The following LONP1 variants were observed in gnomAD, a reference collection of about 807,000 sequenced individuals.
LONP1 encodes the protein lon protease homolog, mitochondrial.
LONP1 carries 31 observed loss-of-function variants against 98.5 expected under a neutral mutation model. The observed-to-expected ratio is 0.31, with a 90% CI of 0.24 to 0.42. LONP1 has a LOEUF of 0.42. Ranked by LOEUF, LONP1 falls within the 20% of genes least tolerant of loss-of-function variation. LONP1 has a pLI of 1.00. For missense variants in LONP1, 1,336 were observed against 1,350.6 expected, an observed-to-expected ratio of 0.99 and a Z score of 0.17; for synonymous variants, 781 against 594.7, an observed-to-expected ratio of 1.31 and a Z score of -4.56.
intron 8 of LONP1, among the ~76,000 whole-genome samples, chr19:5,704,346 A>G (rs2145605383): frequency 6.6e-6 from 1 of 152,136 alleles, no homozygotes; most frequent in Non-Finnish European, 1.5e-5. Flanking sequence ...CAGCCATGGG[A>G]GCTCACAGGC....
intron 5 of LONP1, 194 bp downstream of exon 5, chr19:5,708,148 G>A: frequency 1.6e-6 from 1 of 626,024 alleles, no homozygotes; most frequent in Non-Finnish European, 2.8e-6. Context: ...AAAGAAACTG[G>A]GCCTGCTGAG....
At chr19:5,708,519 C>T (rs1021792295) in intron 4 of LONP1, 116 bp from the exon 5 acceptor site, 19 of 428,816 alleles carry the variant, frequency 4.4e-5, no homozygotes, top group Non-Finnish European at 7.5e-5. Context: ...CCCTCCCCTC[C>T]GCCAACTGGC....
At chr19:5,708,559 G>A in intron 4 of LONP1, 156 bp from the exon 5 acceptor site, 1 of 635,054 alleles carries the variant, frequency 1.6e-6, no homozygotes, top group Non-Finnish European at 2.8e-6. Flanking sequence ...GGAGATGGAG[G>A]AGTGCAGTCC....
In LONP1 at chr19:5,705,802, C is replaced by G. The variant is rs2055135594; in HGVS notation, c.1337G>C (p.Gly446Ala). The G allele has an allele frequency of 1.9e-6, 3 of 1,613,940 alleles. 1 individual carries two copies. In the South Asian group the frequency reaches 3.3e-5, roughly 18 times the overall value. Residue 446 changes from glycine to alanine, a missense_variant, in exon 8 of 18, where the codon GGC becomes GCC. By Grantham distance (60) the Gly-to-Ala change is moderately conservative. Coordinates refer to ENST00000360614, the MANE Select transcript of LONP1 (RefSeq NM_004793.4). ...DVVDEELSKL[G>A]LLDNHSSEFN... ...CTCCGAGGAGTGGTTGTCCAGCAGGCCCAGCTTGCTCAGCTCCTCGTCCAC... is the reference window on the plus strand; with the variant it reads ...CTCCGAGGAGTGGTTGTCCAGCAGGGCCAGCTTGCTCAGCTCCTCGTCCAC...
intron 3 of LONP1, among the ~76,000 whole-genome samples, chr19:5,712,837 G>A (rs2055258970): frequency 6.6e-6 from 1 of 152,058 alleles, no homozygotes. Flanking sequence ...TCGCTACGTT[G>A]CCCAGGCTGG....
In LONP1 at chr19:5,708,338, C is replaced by T. The variant is rs1350199465; in HGVS notation, c.932+4G>A. The T allele has an allele frequency of 6.2e-7, 1 of 1,612,064 alleles. No homozygotes were observed. Among genetic ancestry groups the T allele is most frequent in the Non-Finnish European group, 8.5e-7 (1 of 1,179,942 alleles). On this transcript the variant is annotated splice_donor_region_variant and intron_variant, in intron 5 of 17. Transcript: ENST00000360614. ...CCTGGCCAGCTGCCCGCACAGAGGC[C>T]CACCTGTAGAGAGGGTTCAAGGCAA...
intron 8 of LONP1, among the ~76,000 whole-genome samples, chr19:5,704,140 A>C (rs575974848): frequency 4.3e-4 from 65 of 152,052 alleles, no homozygotes; most frequent in African/African-American, 1.5e-3. Flanking sequence ...GGGAGGTGAG[A>C]GACTGACTGG....
intron 9 of LONP1, among the ~76,000 whole-genome samples, chr19:5,700,134 A>C (rs909873053): frequency 2.0e-5 from 3 of 151,678 alleles, no homozygotes; most frequent in African/African-American, 7.3e-5. Flanking sequence ...CCTTTTTGAG[A>C]CGGAGTTTCA....
chr19:5,698,909 G>C, intron 10 of LONP1, 118 bp downstream of exon 10: 2 of 1,057,518 alleles, frequency 1.9e-6, no homozygotes, highest in East Asian at 3.0e-5. Flanking sequence ...AGCATGAGTG[G>C]AATCGGTTGC....
chr19:5,707,963 C>T, intron 5 of LONP1, 137 bp from the exon 6 acceptor site: 1 of 982,392 alleles, frequency 1.0e-6, no homozygotes, highest in Non-Finnish European at 1.5e-6. Context: ...CGCTGGGAGC[C>T]AGCTCTGCTG....
upstream of LONP1, chr19:5,720,198 G>A (rs924371071): frequency 7.2e-7 from 1 of 1,384,430 alleles, no homozygotes; most frequent in Non-Finnish European, 9.3e-7. Context: ...CGCACGTGAC[G>A]CCCGGCGCGT....
rs2055416338 is a variant in LONP1 at position 5,720,143 on chromosome 19, T to C, written c.-11A>G. On this transcript the variant is annotated 5_prime_UTR_variant, in exon 1 of 18. An upstream start codon of the reference 5' UTR is lost. Transcript: ENST00000360614. ...AGTGCTCGCCGCCATAGCCCGGCCA[T>C]ACTGGCGGCTCACACAACTCGCGTC... 2 of 1,397,194 alleles carry C rather than the reference T, an allele frequency of 1.4e-6. No individual in the cohort carries two copies. The highest frequency in any genetic ancestry group is 9.2e-7 in the Non-Finnish European group (1 of 1,083,434). The allele number at this position is 1,397,194 out of a possible 1,614,324, so 86.5% of individuals were successfully genotyped here.
At position 5,720,095 on chromosome 19, in the gene LONP1, G is replaced by A; in HGVS notation, c.38C>T (p.Ala13Val). 2.7e-6 allele frequency: 4 copies of A among 1,469,054 alleles called. No homozygotes were observed. The highest frequency in any genetic ancestry group is 2.6e-5 in the South Asian group (2 of 76,240). The allele number at this position is 1,469,054 out of a possible 1,614,324, so 91.0% of individuals were successfully genotyped here. A position where few individuals can be genotyped will look rare whatever the true frequency, so the allele number is the denominator to read the frequency against. Residue 13 changes from alanine (A) to valine (V), a missense_variant, in exon 1 of 18, where the codon GCG (alanine) becomes GTG (valine). By Grantham distance (64) the Ala-to-Val change is moderately conservative. Around this residue, in one of 5 missense-constraint regions of LONP1, gnomAD observed 457 missense variants for 403.1 expected, o/e 1.13. Transcript: ENST00000360614. Reference protein sequence around the residue: ...ASTGYVRLWGAARCWVLRRPM... With the variant: ...ASTGYVRLWGVARCWVLRRPM... ...CCGCCGCAGCACCCAGCACCGCGCCGCTCCCCACAGTCGCACGTAGCCAGT... is the reference window on the plus strand; with the variant it reads ...CCGCCGCAGCACCCAGCACCGCGCCACTCCCCACAGTCGCACGTAGCCAGT...
At position 5,692,224 on chromosome 19, in the gene LONP1, G is replaced by T. The variant is rs1262288676; in HGVS notation, c.2704-16C>A. Reference sequence around the variant, plus strand: ...CGCGCTTGGCCTGGGGGCAGAGTCAGGGTCAGCCCTGCCTGGGCCTGTGGG... The same window carrying T: ...CGCGCTTGGCCTGGGGGCAGAGTCATGGTCAGCCCTGCCTGGGCCTGTGGG... On this transcript the variant is annotated splice_polypyrimidine_tract_variant and intron_variant, in intron 17 of 17. Coordinates refer to ENST00000360614, the MANE Select transcript of LONP1 (RefSeq NM_004793.4). 1 of 1,604,110 alleles carries T rather than the reference G, an allele frequency of 6.2e-7. No homozygotes were observed. The highest frequency in any genetic ancestry group is 1.3e-5 in the African/African-American group (1 of 74,802).
intron 1 of LONP1, among the ~76,000 whole-genome samples, chr19:5,719,098 G>C (rs1046296846): frequency 6.6e-6 from 1 of 152,060 alleles, no homozygotes; most frequent in Non-Finnish European, 1.5e-5. Context: ...ACAGGGTCTC[G>C]CCATGTTGAC....
At chr19:5,701,246 C>T (rs1028392955) in intron 8 of LONP1, among the ~76,000 whole-genome samples, 18 of 152,206 alleles carry the variant, frequency 1.2e-4, no homozygotes, top group African/African-American at 3.6e-4. Context: ...GAGATCGAGA[C>T]CATCCTGGCT....
intron 5 of LONP1, 102 bp from the exon 6 acceptor site, chr19:5,707,928 G>T: frequency 2.1e-6 from 3 of 1,396,270 alleles, no homozygotes; most frequent in Non-Finnish European, 3.0e-6. Flanking sequence ...GTCCCCTGTA[G>T]CTATGGGCAC....
At chr19:5,695,870 C>G (rs1054103594) in intron 13 of LONP1, among the ~76,000 whole-genome samples, 184 bp downstream of exon 13, 1 of 152,212 alleles carries the variant, frequency 6.6e-6, no homozygotes. Context: ...CCTGCGCCCA[C>G]TCGCGCCACC....
rs2055242360 is a variant in LONP1 at position 5,711,848 on chromosome 19, C to G, written c.793G>C (p.Glu265Gln). 1 of 1,612,776 alleles carries G rather than the reference C, an allele frequency of 6.2e-7. No individual in the cohort carries two copies. The highest frequency in any genetic ancestry group is 1.3e-5 in the African/African-American group (1 of 74,928). ...ACCATGAGCACCTCAGCCGGGAGCT[C>G]AGGGGTGGGCTCCATCGCCAGCTCC... ...PAELAMEPTPELPAEVLMVEV... is the reference protein window; with the variant it reads ...PAELAMEPTPQLPAEVLMVEV... Residue 265 changes from glutamate to glutamine, a missense_variant, in exon 4 of 18, where the codon GAG (glutamate) becomes CAG (glutamine). Transcript: ENST00000360614.
Sources: allele counts gnomAD v4.1 joint callset (sites outside exome capture counted in the v4.1 genomes callset), GRCh38; gene constraint gnomAD v4.1.1; regional missense constraint gnomAD v4.1.1; transcripts MANE v1.5; gene names NCBI Gene and HGNC (gene_info 2026-07-23, HGNC 2026-07-21).